Variants in AKAP11 observed in about 807,000 individuals in gnomAD.
The protein encoded by AKAP11 is A-kinase anchoring protein 11.
AKAP11 carries 36 observed loss-of-function variants against 146.1 expected under a neutral mutation model. The ratio of observed to expected loss-of-function variants is 0.25; its 90% CI spans 0.19 to 0.33. The LOEUF (loss-of-function observed/expected upper bound fraction) is 0.33, where lower values mean the gene tolerates loss of function less well. AKAP11 is among the 10% of genes least tolerant of loss of function. The pLI, the probability that AKAP11 is intolerant of heterozygous loss-of-function variation, is 1.00. For synonymous variants in AKAP11, 780 were observed against 786.5 expected (o/e 0.99, Z 0.14); for missense variants, 2,201 against 2,197.0 (o/e 1.00, Z -0.04).
chr13:42,273,498 T>A (rs1189752458), intron 1 of AKAP11, among the ~76,000 whole-genome samples: 1 of 152,242 alleles, frequency 6.6e-6, no homozygotes, highest in Non-Finnish European at 1.5e-5. Context: ...CAGTAATTTA[T>A]GAAAGGTCAA....
chr13:42,308,622 T>C lies in AKAP11; in HGVS notation c.5273+13T>C, dbSNP rs1455600725. The C allele has an allele frequency of 2.5e-6, 4 of 1,604,396 alleles. No individual in the cohort carries two copies. The highest frequency in any genetic ancestry group is 3.4e-5 in the Admixed American group (2 of 59,556). On this transcript the variant is annotated intron_variant, in intron 9 of 12. Coordinates refer to ENST00000025301, the MANE Select transcript of AKAP11 (RefSeq NM_016248.4). Reference sequence around the variant, plus strand: ...ATCTAAGTGAAAGGTAACTACACTTTTGCATATAATTGTGTAGTTTAGGTC... The same window carrying C: ...ATCTAAGTGAAAGGTAACTACACTTCTGCATATAATTGTGTAGTTTAGGTC...
At chr13:42,306,129 G>A (rs1960243061) in intron 8 of AKAP11, among the ~76,000 whole-genome samples, 1 of 152,102 alleles carries the variant, frequency 6.6e-6, no homozygotes, top group South Asian at 2.1e-4. Context: ...GCGAACCTCT[G>A]TCCTAGATCC....
chr13:42,296,660 GT>G (rs1959532975), intron 5 of AKAP11, among the ~76,000 whole-genome samples: 1 of 151,880 alleles, frequency 6.6e-6, no homozygotes, highest in East Asian at 1.9e-4. Flanking sequence ...TTAAAAAAAA[GT>G]TTTTAAGATG....
Position 42,303,106 on chromosome 13 carries a change from CTG to C in AKAP11, c.4362_4363del (p.Tyr1455Ter). On this transcript the variant is annotated frameshift_variant, in exon 8 of 13. Coordinates refer to ENST00000025301, the MANE Select transcript of AKAP11 (RefSeq NM_016248.4). LOFTEE classifies it high-confidence loss of function. The stretch of plus-strand genomic sequence containing the variant: ...TCCATATAGAAATGAGGTCTCCCAA[CTG>C]TATAGTTTTTCAACCTCTCTGGTTC... ...LDPYRNEVSQ[L>X]YSFSTSLVHS... The C allele has an allele frequency of 6.2e-7, 1 of 1,614,070 alleles. No homozygotes were observed. Among genetic ancestry groups the C allele is most frequent in the Non-Finnish European group, 8.5e-7 (1 of 1,180,020 alleles).
At position 42,300,786 on chromosome 13, in the gene AKAP11, C is replaced by G. The variant is rs1421448786; in HGVS notation, c.2040C>G (p.Asp680Glu). 1 of 1,613,982 alleles carries G rather than the reference C, an allele frequency of 6.2e-7. No homozygotes were observed. The highest frequency in any genetic ancestry group is 8.5e-7 in the Non-Finnish European group (1 of 1,179,972). The change falls in exon 8 of 13, where the codon GAC (aspartate) becomes GAG (glutamate). Residue 680 changes from aspartate (D) to glutamate (E), a missense_variant. Coordinates refer to ENST00000025301, the MANE Select transcript of AKAP11 (RefSeq NM_016248.4). ...CATCTCCACAGTGTGGGTCGTTTGACTTTGAAGACAAAGTAGTGAAGTTGT... is the reference window on the plus strand; with the variant it reads ...CATCTCCACAGTGTGGGTCGTTTGAGTTTGAAGACAAAGTAGTGAAGTTGT... The part of the protein sequence containing the change: ...TPASPQCGSF[D>E]FEDKVVKLYA...
intron 1 of AKAP11, among the ~76,000 whole-genome samples, chr13:42,277,359 T>C (rs998227988): frequency 2.0e-5 from 3 of 152,252 alleles, no homozygotes; most frequent in African/African-American, 7.2e-5. Context: ...AATTAACTTC[T>C]AACAATGGAC....
intron 9 of AKAP11, among the ~76,000 whole-genome samples, chr13:42,311,843 A>G (rs1457145266): frequency 6.6e-6 from 1 of 152,148 alleles, no homozygotes; most frequent in African/African-American, 2.4e-5. Context: ...ACAGTTTTAT[A>G]ATAGAGCTAT....
At chr13:42,271,839 T>A (rs1023440455), upstream of AKAP11, among the ~76,000 whole-genome samples, 84 of 151,698 alleles carry the variant, frequency 5.5e-4, no homozygotes, top group Non-Finnish European at 8.1e-4. Flanking sequence ...CCCCTTTAAG[T>A]CATGTGACCA....
At position 42,301,552 on chromosome 13, in the gene AKAP11, G is replaced by C; in HGVS notation, c.2806G>C (p.Asp936His). 6.2e-7 allele frequency: 1 copy of C among 1,614,090 alleles called. No homozygotes were observed. The highest frequency in any genetic ancestry group is 8.5e-7 in the Non-Finnish European group (1 of 1,179,974). The stretch of plus-strand genomic sequence containing the variant: ...ATGCAGTGAAGCTAGTAGCAATAAG[G>C]ACATGTTTGCTGACCGGTTATCTAA... ...LQCSEASSNK[D>H]MFADRLSKSI... The change falls in exon 8 of 13, where the codon GAC (aspartate) becomes CAC (histidine). Residue 936 changes from aspartate (D) to histidine (H), a missense_variant. Transcript: ENST00000025301.
intron 5 of AKAP11, 87 bp downstream of exon 5, chr13:42,295,829 G>C: frequency 7.9e-7 from 1 of 1,259,680 alleles, no homozygotes; most frequent in Non-Finnish European, 1.1e-6. Flanking sequence ...TATCTGAGAA[G>C]GTTGCAAACC....
chr13:42,274,770 T>C (rs775911039), intron 1 of AKAP11, among the ~76,000 whole-genome samples: 24 of 150,386 alleles, frequency 1.6e-4, no homozygotes, highest in East Asian at 3.8e-4. Context: ...AGAAAAGTTA[T>C]CATTTTTAGA....
chr13:42,318,943 G>T, intron 12 of AKAP11, 145 bp from the exon 13 acceptor site: 1 of 955,648 alleles, frequency 1.0e-6, no homozygotes, highest in South Asian at 1.6e-5. Context: ...TAGCGGTTTA[G>T]AGGGGAAGAC....
intron 3 of AKAP11, among the ~76,000 whole-genome samples, chr13:42,287,631 C>A (rs906566369): frequency 6.6e-6 from 1 of 151,968 alleles, no homozygotes; most frequent in African/African-American, 2.4e-5. Flanking sequence ...GGTAAATTAC[C>A]TTTAAATTTA....
chr13:42,276,097 T>C (rs1223475676), intron 1 of AKAP11, among the ~76,000 whole-genome samples: 1 of 152,226 alleles, frequency 6.6e-6, no homozygotes, highest in Admixed American at 6.5e-5. Context: ...GTTGTCTTCA[T>C]AGATGCTCTC....
rs138949273 is a variant in AKAP11 at position 42,301,907 on chromosome 13, C to T, written c.3161C>T (p.Ser1054Leu). The change falls in exon 8 of 13, where the codon TCA becomes TTA. Residue 1054 changes from serine (S) to leucine (L), a missense_variant. By Grantham distance (145) the Ser-to-Leu change is moderately radical. Transcript: ENST00000025301. The stretch of plus-strand genomic sequence containing the variant: ...AAAAAGCATAACTTGAATAGTACAT[C>T]ACTTGAGGCCTTGTCTTTTGGACAG... Reference protein sequence around the residue: ...PLKKHNLNSTSLEALSFGQEN... With the variant: ...PLKKHNLNSTLLEALSFGQEN... 2.5e-6 allele frequency: 4 copies of T among 1,614,138 alleles called. No individual in the cohort carries two copies. In the African/African-American group the frequency reaches 5.3e-5, roughly 22 times the overall value.
rs1418556447 is a variant in AKAP11, at chr13:42,308,440, TTTC to T, written c.5118-8_5118-6del. The T allele has an allele frequency of 6.4e-7, 1 of 1,555,454 alleles. No homozygotes were observed. Among genetic ancestry groups the T allele is most frequent in the Non-Finnish European group, 8.7e-7 (1 of 1,148,252 alleles). On this transcript the variant is annotated splice_polypyrimidine_tract_variant and intron_variant, in intron 8 of 12. Transcript: ENST00000025301. ...CTTTCAATTTGATTTTTTTTCTTTT[TTTC>T]TTCTTTTTAGTTCAAAAGAAATAGA...
At chr13:42,287,268 C>T (rs1253913936) in intron 3 of AKAP11, among the ~76,000 whole-genome samples, 1 of 152,022 alleles carries the variant, frequency 6.6e-6, no homozygotes, top group Non-Finnish European at 1.5e-5. Flanking sequence ...GTAAACTTAT[C>T]CTTAAACAGT....
rs1960648038 is a variant in AKAP11, at chr13:42,313,219, C to G, written c.5357+89C>G. 6.3e-6 allele frequency: 6 copies of G among 947,004 alleles called. No homozygotes were observed. In the South Asian group the frequency reaches 9.8e-5, roughly 15 times the overall value. 58.7% of individuals were successfully genotyped at this position (947,004 alleles called of 1,614,324 possible). ...TCTTCAAAGAATGTGGGTTACAGTG[C>G]CAGTATGTATCAACCTGCTTTTCTC... On this transcript the variant is annotated intron_variant, in intron 10 of 12. Coordinates refer to ENST00000025301, the MANE Select transcript of AKAP11 (RefSeq NM_016248.4).
intron 1 of AKAP11, among the ~76,000 whole-genome samples, chr13:42,274,097 G>C (rs1358024036): frequency 1.3e-5 from 2 of 152,166 alleles, no homozygotes; most frequent in Non-Finnish European, 2.9e-5. Flanking sequence ...AAACTTGTAG[G>C]GCGTGTGGTG....
Sources: allele counts gnomAD v4.1 joint callset (sites outside exome capture counted in the v4.1 genomes callset), GRCh38; gene constraint gnomAD v4.1.1; transcripts MANE v1.5; gene names NCBI Gene and HGNC (gene_info 2026-07-23, HGNC 2026-07-21).